Variants in SCD5 observed in about 807,000 individuals in gnomAD.
The protein encoded by SCD5 is acyl-CoA-desaturase 4.
In SCD5, 20 loss-of-function variants were observed where a neutral mutation model predicts 30.4. That is an observed-to-expected ratio of 0.66 (90% CI 0.46 to 0.96). The LOEUF (loss-of-function observed/expected upper bound fraction) is 0.96. Ranked by LOEUF, SCD5 falls within the 40% of genes least tolerant of loss-of-function variation. The pLI is 0.00. For synonymous variants in SCD5, 173 were observed against 176.4 expected (o/e 0.98, Z 0.16); for missense variants, 381 against 443.3 (o/e 0.86, Z 1.26).
Position 82,798,609 on chromosome 4 carries a change from G to C in SCD5, c.-72C>G. The C allele has an allele frequency of 7.4e-7, 1 of 1,351,616 alleles. No homozygotes were observed. Among genetic ancestry groups the C allele is most frequent in the Non-Finnish European group, 9.9e-7 (1 of 1,010,680 alleles). The allele number at this position is 1,351,616 out of a possible 1,614,324, so 83.7% of individuals were successfully genotyped here. ...TCTGCCCGAGCGGAGCTCGAGGGTG[G>C]GGGCGGGGGCTTCTGCCTTTTAGGG... On this transcript the variant is annotated 5_prime_UTR_variant, in exon 1 of 5. Coordinates refer to ENST00000319540, the MANE Select transcript of SCD5 (RefSeq NM_001037582.3).
intron 1 of SCD5, among the ~76,000 whole-genome samples, chr4:82,788,732 G>A (rs1188992381): frequency 3.9e-5 from 6 of 152,152 alleles, no homozygotes; most frequent in African/African-American, 1.4e-4. Context: ...AGGATCAGCT[G>A]TGAGGTAACC....
intron 2 of SCD5, among the ~76,000 whole-genome samples, chr4:82,689,702 A>G (rs968908221): frequency 1.1e-4 from 16 of 152,244 alleles, no homozygotes; most frequent in African/African-American, 3.6e-4. Flanking sequence ...ATATTCATAT[A>G]GGCTCATAAT....
intron 1 of SCD5, among the ~76,000 whole-genome samples, chr4:82,750,287 A>G (rs1721074741): frequency 6.6e-6 from 1 of 152,208 alleles, no homozygotes; most frequent in Non-Finnish European, 1.5e-5. Context: ...CCATCTCCCC[A>G]TCCTCTGTGT....
chr4:82,764,784 C>T (rs961487287), intron 1 of SCD5, among the ~76,000 whole-genome samples: 9 of 148,698 alleles, frequency 6.1e-5, no homozygotes, highest in African/African-American at 7.6e-5. Context: ...TACAGTGCAA[C>T]GGTGCAATCT....
At chr4:82,794,745 G>A (rs560514551) in intron 1 of SCD5, among the ~76,000 whole-genome samples, 14 of 151,870 alleles carry the variant, frequency 9.2e-5, no homozygotes, top group African/African-American at 3.1e-4. Context: ...CACCTCCCAG[G>A]TTCACGCCAT....
chr4:82,778,226 G>C lies in SCD5; in HGVS notation c.232+20080C>G, dbSNP rs556833995. Among the ~76,000 whole-genome samples the C allele has an allele frequency of 6.6e-5, 10 of 152,216 alleles. No individual in the cohort carries two copies. In the East Asian group the frequency reaches 1.5e-3, roughly 24 times the overall value. Reference sequence around the variant, plus strand: ...ACACCAGGGCCTGTTGGGGGATTGGGGGTGAGGGGAGGGAACTTAGAGGAC... The same window carrying C: ...ACACCAGGGCCTGTTGGGGGATTGGCGGTGAGGGGAGGGAACTTAGAGGAC... On this transcript the variant is annotated intron_variant, in intron 1 of 4. Transcript: ENST00000319540.
intron 3 of SCD5, among the ~76,000 whole-genome samples, chr4:82,680,279 G>A (rs1476671318): frequency 6.6e-6 from 1 of 152,270 alleles, no homozygotes; most frequent in African/African-American, 2.4e-5. Flanking sequence ...TTCACTACAA[G>A]AGAATTTCAG....
At chr4:82,674,965 T>TG (rs1257415032) in intron 3 of SCD5, among the ~76,000 whole-genome samples, 29 of 152,226 alleles carry the variant, frequency 1.9e-4, no homozygotes, top group African/African-American at 7.0e-4. Context: ...TGTCAGGGCT[T>TG]GGGGGAAGAG....
At chr4:82,711,911 T>C (rs1720097125) in intron 1 of SCD5, among the ~76,000 whole-genome samples, 1 of 151,966 alleles carries the variant, frequency 6.6e-6, no homozygotes, top group Admixed American at 6.6e-5. Context: ...TATTATTTCA[T>C]AAATAAGCTG....
Position 82,798,586 on chromosome 4 carries a change from T to C in SCD5, c.-49A>G. 6.7e-7 allele frequency: 1 copy of C among 1,487,250 alleles called. No individual in the cohort carries two copies. The highest frequency in any genetic ancestry group is 9.0e-7 in the Non-Finnish European group (1 of 1,110,290). 92.1% of individuals were successfully genotyped at this position (1,487,250 alleles called of 1,614,324 possible). A position where few individuals can be genotyped will look rare whatever the true frequency, so the allele number is the denominator to read the frequency against. ...AGCAGCGGCAGGCAGGCAGGCGCTC[T>C]GCCCGAGCGGAGCTCGAGGGTGGGG... On this transcript the variant is annotated 5_prime_UTR_variant, in exon 1 of 5. Coordinates refer to ENST00000319540, the MANE Select transcript of SCD5 (RefSeq NM_001037582.3).
chr4:82,780,699 C>T (rs1721848085), intron 1 of SCD5, among the ~76,000 whole-genome samples: 1 of 152,236 alleles, frequency 6.6e-6, no homozygotes, highest in African/African-American at 2.4e-5. Flanking sequence ...TGGCCCTGGC[C>T]AAAGGGAGAC....
chr4:82,643,033 A>C (rs531158918), intron 3 of SCD5, among the ~76,000 whole-genome samples: 4 of 152,298 alleles, frequency 2.6e-5, no homozygotes, highest in African/African-American at 9.6e-5. Context: ...GCAAATAATT[A>C]ATTTAGGAGT....
chr4:82,761,730 C>G (rs1234604885), intron 1 of SCD5, among the ~76,000 whole-genome samples: 2 of 152,024 alleles, frequency 1.3e-5, no homozygotes, highest in African/African-American at 2.4e-5. Flanking sequence ...TCCCTCCCCC[C>G]TCTCCCCACC....
intron 3 of SCD5, among the ~76,000 whole-genome samples, chr4:82,657,788 G>A (rs972346817): frequency 2.0e-5 from 3 of 152,142 alleles, no homozygotes; most frequent in African/African-American, 7.2e-5. Flanking sequence ...ACAGTGGTTT[G>A]TAGTTCTCCT....
chr4:82,684,504 C>T (rs1269949139), intron 2 of SCD5, among the ~76,000 whole-genome samples: 1 of 152,150 alleles, frequency 6.6e-6, no homozygotes. Flanking sequence ...CTTTTGTCTG[C>T]TCTGGAGTGA....
At chr4:82,729,884 C>G (rs1005557852) in intron 1 of SCD5, among the ~76,000 whole-genome samples, 6 of 152,164 alleles carry the variant, frequency 3.9e-5, no homozygotes, top group Non-Finnish European at 5.9e-5. Context: ...ACCAACCTTC[C>G]CAATTAGCAC....
intron 2 of SCD5, among the ~76,000 whole-genome samples, chr4:82,699,453 C>T (rs1206012019): frequency 2.6e-5 from 4 of 152,026 alleles, no homozygotes; most frequent in Admixed American, 2.6e-4. Flanking sequence ...GGCACAATCT[C>T]AACTCACTGC....
chr4:82,792,139 C>G (rs908742267), intron 1 of SCD5, among the ~76,000 whole-genome samples: 12 of 152,194 alleles, frequency 7.9e-5, no homozygotes, highest in Admixed American at 5.9e-4. Flanking sequence ...TGCCTGTAAT[C>G]CCAGCTACTG....
At chr4:82,723,948 A>C (rs1720421003) in intron 1 of SCD5, among the ~76,000 whole-genome samples, 1 of 152,258 alleles carries the variant, frequency 6.6e-6, no homozygotes, top group African/African-American at 2.4e-5. Context: ...AATCTGGACA[A>C]GATATTAGAT....
Sources: gnomAD v4.1 joint callset for allele counts (sites outside exome capture counted in the v4.1 genomes callset) on GRCh38, gnomAD v4.1.1 for gene constraint, MANE v1.5 for transcripts, NCBI Gene and HGNC (gene_info 2026-07-23, HGNC 2026-07-21) for gene names.